Variants in PCDHGA2 observed in about 807,000 individuals in gnomAD.
PCDHGA2 encodes the protein protocadherin gamma subfamily A, 2.
A neutral mutation model predicts 59.2 loss-of-function variants in PCDHGA2; 40 were observed. The observed-to-expected ratio is 0.68, with a 90% CI of 0.52 to 0.88. PCDHGA2 has a LOEUF of 0.88. Among genes scored for constraint, PCDHGA2 ranks in the 40% least tolerant of loss-of-function variants. The pLI is 0.00. For missense variants in PCDHGA2, 1,226 were observed against 1,204.0 expected (o/e 1.02, Z -0.27); for synonymous variants, 560 against 526.0 (o/e 1.06, Z -0.89).
chr5:141,364,947 C>T (rs761720184), intron 1 of PCDHGA2: 2 of 1,613,944 alleles, frequency 1.2e-6, no homozygotes, highest in African/African-American at 1.3e-5. Flanking sequence ...GAGAAAGAGA[C>T]TGTTCACGAC....
intron 1 of PCDHGA2, chr5:141,374,252 CAGG>C: frequency 6.2e-7 from 1 of 1,613,982 alleles, no homozygotes; most frequent in South Asian, 1.1e-5. Context: ...ACTGGAGCCC[CAGG>C]AGTTGGCGGA....
intron 1 of PCDHGA2, chr5:141,409,468 C>T (rs1256188577): frequency 1.9e-6 from 3 of 1,613,948 alleles, no homozygotes; most frequent in Admixed American, 1.7e-5. Flanking sequence ...ATGTCACCAT[C>T]GTAGCCACTG....
chr5:141,439,117 C>T (rs1219829519), intron 1 of PCDHGA2, among the ~76,000 whole-genome samples: 6 of 150,696 alleles, frequency 4.0e-5, no homozygotes, highest in African/African-American at 7.3e-5. Context: ...CACTTGAACC[C>T]GGGAGACAGA....
intron 1 of PCDHGA2, chr5:141,357,142 G>C (rs1286381573): frequency 1.2e-6 from 2 of 1,613,582 alleles, no homozygotes; most frequent in Middle Eastern, 1.6e-4. Flanking sequence ...GGTCGTCCAG[G>C]ACCATGGCCA....
chr5:141,414,783 G>C, intron 1 of PCDHGA2: 2 of 1,614,220 alleles, frequency 1.2e-6, no homozygotes, highest in Non-Finnish European at 1.7e-6. Context: ...AGATGCAGGT[G>C]ACAGCCAGCG....
At chr5:141,383,042 T>A (rs1397489820) in intron 1 of PCDHGA2, 10 of 1,613,724 alleles carry the variant, frequency 6.2e-6, no homozygotes, top group Non-Finnish European at 7.6e-6. Flanking sequence ...GTGGGAGACA[T>A]CGCCAAGGAC....
intron 1 of PCDHGA2, chr5:141,393,608 A>G: frequency 6.2e-7 from 1 of 1,613,986 alleles, no homozygotes; most frequent in Non-Finnish European, 8.5e-7. Context: ...TTACTGTAAC[A>G]GCCAGCGACC....
chr5:141,358,195 A>G (rs559791322), intron 1 of PCDHGA2, among the ~76,000 whole-genome samples: 1 of 152,198 alleles, frequency 6.6e-6, no homozygotes, highest in East Asian at 1.9e-4. Flanking sequence ...GTCTCCAAAA[A>G]GTAAAATAAA....
intron 1 of PCDHGA2, chr5:141,350,936 T>A: frequency 6.2e-7 from 1 of 1,614,102 alleles, no homozygotes; most frequent in Non-Finnish European, 8.5e-7. Context: ...CACCCATATC[T>A]GGATCCGAGT....
In PCDHGA2 at chr5:141,432,847, G is replaced by A. The variant is rs768265171; in HGVS notation, c.2425-61960G>A. On this transcript the variant is annotated intron_variant, in intron 1 of 3. Transcript: ENST00000394576. The surrounding 1 kb of genome is among the most constrained non-coding windows in gnomAD (Gnocchi z 6.0). Reference sequence around the variant, plus strand: ...ACCTCACTCTGTACCTGGTGGTAGCGGTGGCCGCGGTCTCCTGCGTCTTCC... The same window carrying A: ...ACCTCACTCTGTACCTGGTGGTAGCAGTGGCCGCGGTCTCCTGCGTCTTCC... 5.0e-6 allele frequency: 8 copies of A among 1,614,180 alleles called. No homozygotes were observed. The highest frequency in any genetic ancestry group is 6.8e-6 in the Non-Finnish European group (8 of 1,179,994).
At chr5:141,502,781 C>G (rs1360359268) in intron 2 of PCDHGA2, among the ~76,000 whole-genome samples, 2 of 151,658 alleles carry the variant, frequency 1.3e-5, no homozygotes, top group Non-Finnish European at 2.9e-5. Flanking sequence ...TGAAAATTAC[C>G]TGGATGATTT....
chr5:141,384,870 C>T lies in PCDHGA2; in HGVS notation c.2424+43475C>T, dbSNP rs573213865. 2.6e-5 allele frequency: 42 copies of T among 1,613,806 alleles called. No homozygotes were observed. The Admixed American group carries it at 4.7e-4, about 18-fold the overall frequency. Reference sequence around the variant, plus strand: ...ACGGTCAGCCTCCTCTGTCAGCCACCGTCACACTCACCGTGGCTGTGGCTG... The same window carrying T: ...ACGGTCAGCCTCCTCTGTCAGCCACTGTCACACTCACCGTGGCTGTGGCTG... On this transcript the variant is annotated intron_variant, in intron 1 of 3. Coordinates refer to ENST00000394576, the MANE Select transcript of PCDHGA2 (RefSeq NM_018915.4).
intron 1 of PCDHGA2, chr5:141,375,961 G>A: frequency 6.2e-7 from 1 of 1,613,370 alleles, no homozygotes; most frequent in Non-Finnish European, 8.5e-7. Flanking sequence ...CGGGCGAGGT[G>A]CGCACGGCGC....
At chr5:141,359,997 C>A in intron 1 of PCDHGA2, 1 of 1,120,990 alleles carries the variant, frequency 8.9e-7, no homozygotes, top group Non-Finnish European at 1.2e-6. Context: ...GAACTTCCTG[C>A]ACAAACCAAC....
At position 141,450,006 on chromosome 5, in the gene PCDHGA2, C is replaced by CTAT. The variant is rs70988802; in HGVS notation, c.2425-44800_2425-44799insATT. ...CACATTGCATTTAGTTGCCATGTCT[C>CTAT]TTTTTTTTTTTTTTTTTTGAGACAG... On this transcript the variant is annotated intron_variant, in intron 1 of 3. Transcript: ENST00000394576. Among the ~76,000 whole-genome samples the CTAT allele has an allele frequency of 2.5e-4, 33 of 132,964 alleles. 6 individuals are homozygous for CTAT. Among genetic ancestry groups the CTAT allele is most frequent in the Non-Finnish European group, 2.9e-4 (18 of 62,916 alleles). The allele number at this position is 132,964 out of a possible 152,430, so 87.2% of individuals were successfully genotyped here. A position where few individuals can be genotyped will look rare whatever the true frequency, so the allele number is the denominator to read the frequency against.
At position 141,485,049 on chromosome 5, in the gene PCDHGA2, G is replaced by A; in HGVS notation, c.2425-9758G>A. The A allele has an allele frequency of 1.3e-6, 1 of 780,438 alleles. No individual in the cohort carries two copies. 48.3% of individuals were successfully genotyped at this position (780,438 alleles called of 1,614,324 possible). ...AACGGCGCGTAACCCTTGCGGCGCC[G>A]GCCGAACCGCGCCAGAGCTGGCGCG... On this transcript the variant is annotated intron_variant, in intron 1 of 3. Coordinates refer to ENST00000394576, the MANE Select transcript of PCDHGA2 (RefSeq NM_018915.4). This position sits in a 1 kb window ranked among gnomAD's most constrained non-coding sequence, Gnocchi z 5.7.
At position 141,340,382 on chromosome 5, in the gene PCDHGA2, G is replaced by A; in HGVS notation, c.1411G>A (p.Val471Ile). Reference protein sequence around the residue: ...IPENNPRGASVFSVTAHDPDS... With the variant: ...IPENNPRGASIFSVTAHDPDS... ...CGAAAACAACCCCAGAGGAGCCTCT[G>A]TCTTCTCAGTGACGGCCCATGACCC... is the stretch of plus-strand genomic sequence containing the variant. Residue 471 changes from valine (V) to isoleucine (I), a missense_variant, in exon 1 of 4, where the codon GTC becomes ATC. Coordinates refer to ENST00000394576, the MANE Select transcript of PCDHGA2 (RefSeq NM_018915.4). 6.2e-7 allele frequency: 1 copy of A among 1,614,154 alleles called. No homozygotes were observed. Among genetic ancestry groups the A allele is most frequent in the South Asian group, 1.1e-5 (1 of 91,084 alleles).
chr5:141,457,942 T>C (rs2098933338), intron 1 of PCDHGA2, among the ~76,000 whole-genome samples: 1 of 152,226 alleles, frequency 6.6e-6, no homozygotes, highest in Non-Finnish European at 1.5e-5. Flanking sequence ...TTATTGGCTC[T>C]GCATGTCAAG....
intron 1 of PCDHGA2, chr5:141,375,781 C>T (rs1381620623): frequency 6.2e-7 from 1 of 1,614,252 alleles, no homozygotes; most frequent in South Asian, 1.1e-5. Flanking sequence ...TGTACCCCGC[C>T]CTCCCCACAG....
Sources: gnomAD v4.1 joint callset for allele counts (sites outside exome capture counted in the v4.1 genomes callset) on GRCh38, gnomAD v4.1.1 for gene constraint, Gnocchi (gnomAD v3.1) non-coding constraint, MANE v1.5 for transcripts, NCBI Gene and HGNC (gene_info 2026-07-23, HGNC 2026-07-21) for gene names.